ABLIM3: variants seen among roughly 807,000 people sequenced by gnomAD.
ABLIM3 encodes actin binding LIM protein family member 3.
A neutral mutation model predicts 109.5 loss-of-function variants in ABLIM3; 61 were observed. The observed-to-expected ratio is 0.56, with a 90% CI of 0.45 to 0.69. The LOEUF (loss-of-function observed/expected upper bound fraction) is 0.69. Ranked by LOEUF, ABLIM3 falls within the 30% of genes least tolerant of loss-of-function variation. The pLI is 0.00. For synonymous variants in ABLIM3, 300 were observed against 324.8 expected (o/e 0.92, Z 0.82); for missense variants, 796 against 889.5 (o/e 0.89, Z 1.34).
intron 2 of ABLIM3, among the ~76,000 whole-genome samples, chr5:149,144,079 A>G (rs1006861480): frequency 6.6e-6 from 1 of 152,236 alleles, no homozygotes; most frequent in Non-Finnish European, 1.5e-5. Flanking sequence ...AAGAAAAAGA[A>G]AGAAAGAAAA....
At chr5:149,249,274 A>G (rs1479947981) in intron 18 of ABLIM3, among the ~76,000 whole-genome samples, 1 of 152,218 alleles carries the variant, frequency 6.6e-6, no homozygotes, top group Admixed American at 6.5e-5. Flanking sequence ...AGTCTTATGG[A>G]GTGTTATAGA....
intron 2 of ABLIM3, among the ~76,000 whole-genome samples, chr5:149,147,545 C>G (rs915452088): frequency 6.6e-6 from 1 of 152,126 alleles, no homozygotes; most frequent in Non-Finnish European, 1.5e-5. Flanking sequence ...TGTGTAAATA[C>G]TGTATTTTCA....
intron 2 of ABLIM3, among the ~76,000 whole-genome samples, chr5:149,170,452 G>T (rs1184805199): frequency 1.3e-5 from 2 of 152,056 alleles, no homozygotes; most frequent in African/African-American, 4.8e-5. Flanking sequence ...AAGGGGATTG[G>T]GCTGTTCTAA....
chr5:149,217,189 G>T, intron 8 of ABLIM3, 143 bp downstream of exon 8: 2 of 765,510 alleles, frequency 2.6e-6, no homozygotes, highest in Non-Finnish European at 2.2e-6. Flanking sequence ...CAATTAATTG[G>T]CCCCTCTCTG....
intron 10 of ABLIM3, among the ~76,000 whole-genome samples, chr5:149,233,927 A>G (rs887668285): frequency 1.3e-5 from 2 of 152,210 alleles, no homozygotes; most frequent in Non-Finnish European, 2.9e-5. Context: ...ACAGAAGTTG[A>G]GTTCAATGAC....
At chr5:149,197,684 A>G (rs1398127741) in intron 3 of ABLIM3, among the ~76,000 whole-genome samples, 1 of 152,198 alleles carries the variant, frequency 6.6e-6, no homozygotes, top group Non-Finnish European at 1.5e-5. Context: ...TTCACCTGGC[A>G]CAGAATCATG....
At chr5:149,248,689 C>CAAAAA (rs10659679) in intron 18 of ABLIM3, among the ~76,000 whole-genome samples, 21 of 78,930 alleles carry the variant, frequency 2.7e-4, no homozygotes, top group Admixed American at 6.3e-4. Context: ...GACTCTCTCT[C>CAAAAA]AAAAAAAAAA....
intron 5 of ABLIM3, among the ~76,000 whole-genome samples, chr5:149,203,645 C>G (rs1334604537): frequency 1.3e-5 from 2 of 152,036 alleles, no homozygotes; most frequent in Non-Finnish European, 2.9e-5. Context: ...CCAACGCTAC[C>G]ATAATCACCA....
intron 2 of ABLIM3, among the ~76,000 whole-genome samples, chr5:149,183,160 A>G (rs1756610889): frequency 6.6e-6 from 1 of 152,174 alleles, no homozygotes; most frequent in African/African-American, 2.4e-5. Flanking sequence ...TTACTTTGAA[A>G]TACTCTATGT....
Position 149,237,467 on chromosome 5 carries a change from T to C in ABLIM3, c.908T>C (p.Ile303Thr), listed in dbSNP as rs201045172. ...RVICAKVDNEILNYKDLAALP... is the reference protein window; with the variant it reads ...RVICAKVDNETLNYKDLAALP... ...CCCTAGGCTAAAGTGGATAATGAGATCCTTAATTACAAAGACCTGGCGGCT... is the reference window on the plus strand; with the variant it reads ...CCCTAGGCTAAAGTGGATAATGAGACCCTTAATTACAAAGACCTGGCGGCT... The change falls in exon 11 of 24, where the codon ATC becomes ACC. Residue 303 changes from isoleucine to threonine, a missense_variant. Coordinates refer to ENST00000309868, the MANE Select transcript of ABLIM3 (RefSeq NM_014945.5). 7.1e-5 allele frequency: 114 copies of C among 1,614,176 alleles called. 3 individuals are homozygous for C. In the South Asian group the frequency reaches 1.2e-3, roughly 17 times the overall value.
intron 13 of ABLIM3, chr5:149,240,341 T>G: frequency 2.5e-6 from 1 of 400,550 alleles, no homozygotes; most frequent in Non-Finnish European, 4.6e-6. Flanking sequence ...AAGGAGCAAT[T>G]AAGGGAGCGT....
At chr5:149,220,815 C>T (rs540016276) in intron 8 of ABLIM3, 1 of 152,278 alleles carries the variant, frequency 6.6e-6, no homozygotes, top group South Asian at 2.1e-4. Context: ...ATGAGGATAA[C>T]ATCATCGTCT....
rs1754803914 is a variant in ABLIM3, at chr5:149,260,488, G to A, written c.*2084G>A. Reference sequence around the variant, plus strand: ...GTGTGGGAGTGGAAATGACTGACATGGGAAGAGGCTGAACCCTGCACATTT... The same window carrying A: ...GTGTGGGAGTGGAAATGACTGACATAGGAAGAGGCTGAACCCTGCACATTT... On this transcript the variant is annotated 3_prime_UTR_variant, in exon 24 of 24. Transcript: ENST00000309868. 6.6e-6 allele frequency: 1 copy of A among 152,458 alleles called. No individual in the cohort carries two copies. The highest frequency in any genetic ancestry group is 2.1e-4 in the South Asian group (1 of 4,828). 9.4% of individuals were successfully genotyped at this position (152,458 alleles called of 1,614,324 possible). A position where few individuals can be genotyped will look rare whatever the true frequency, so the allele number is the denominator to read the frequency against.
At chr5:149,238,459 C>T (rs2127556382) in intron 11 of ABLIM3, among the ~76,000 whole-genome samples, 1 of 152,268 alleles carries the variant, frequency 6.6e-6, no homozygotes, top group South Asian at 2.1e-4. Flanking sequence ...GGTTTCCGGC[C>T]CCTGAAATGC....
chr5:149,150,478 A>G (rs985905518), intron 2 of ABLIM3, among the ~76,000 whole-genome samples: 2 of 152,238 alleles, frequency 1.3e-5, no homozygotes, highest in African/African-American at 4.8e-5. Context: ...GAATAACGTA[A>G]GGAACAATTT....
chr5:149,248,859 G>GACACACACACACACACAC (rs55707887), intron 18 of ABLIM3, among the ~76,000 whole-genome samples: 58 of 144,696 alleles, frequency 4.0e-4, no homozygotes, highest in African/African-American at 1.5e-3. Context: ...CCTATTCCTG[G>GACACACACACACACACAC]ACACACACAC....
At chr5:149,242,406 C>A in intron 14 of ABLIM3, 85 bp from the exon 15 acceptor site, 13 of 1,393,082 alleles carry the variant, frequency 9.3e-6, no homozygotes, top group Non-Finnish European at 1.3e-5. Context: ...CTGAGATCAA[C>A]TGACCAAGTA....
At chr5:149,163,964 T>A (rs1475265120) in intron 2 of ABLIM3, 1 of 152,276 alleles carries the variant, frequency 6.6e-6, no homozygotes, top group African/African-American at 2.4e-5. Flanking sequence ...ATTTTGTATT[T>A]CCAACATACT....
chr5:149,214,316 G>C (rs1008839926), intron 7 of ABLIM3, among the ~76,000 whole-genome samples: 3 of 152,220 alleles, frequency 2.0e-5, no homozygotes, highest in African/African-American at 7.2e-5. Flanking sequence ...TCCAAGTTAA[G>C]TTTATTCTCA....
Sources: allele counts gnomAD v4.1 joint callset (sites outside exome capture counted in the v4.1 genomes callset), GRCh38; gene constraint gnomAD v4.1.1; transcripts MANE v1.5; gene names NCBI Gene and HGNC (gene_info 2026-07-23, HGNC 2026-07-21).